THSD4: variants seen among roughly 807,000 people sequenced by gnomAD.
THSD4 encodes the protein thrombospondin type-1 domain-containing protein 4.
In THSD4, 69 loss-of-function variants were observed where a neutral mutation model predicts 119.0. That is an observed-to-expected ratio of 0.58 (90% confidence interval 0.48 to 0.71). The LOEUF (loss-of-function observed/expected upper bound fraction) is 0.71. Ranked by LOEUF, THSD4 falls within the 30% of genes least tolerant of loss-of-function variation. THSD4 has a pLI of 0.00. For synonymous variants in THSD4, 524 were observed against 540.4 expected (o/e 0.97, Z 0.42); for missense variants, 1,393 against 1,391.1 (o/e 1.00, Z -0.02).
At chr15:71,099,732 A>AG (rs1419156312) in intron 1 of THSD4, among the ~76,000 whole-genome samples, 4 of 152,104 alleles carry the variant, frequency 2.6e-5, no homozygotes, top group African/African-American at 7.2e-5. Flanking sequence ...TGGGAGGCCA[A>AG]GGGGGGCAGA....
At chr15:71,341,073 GC>G (rs928772945) in intron 6 of THSD4, 1 of 976,522 alleles carries the variant, frequency 1.0e-6, no homozygotes, top group Non-Finnish European at 1.6e-6. Context: ...TTGTTGCCTT[GC>G]CTTTTCTTTT....
chr15:71,454,225 C>T (rs2047306019), intron 7 of THSD4, among the ~76,000 whole-genome samples: 1 of 152,116 alleles, frequency 6.6e-6, no homozygotes, highest in South Asian at 2.1e-4. Flanking sequence ...CCACTGCACT[C>T]CAGCCTAGGT....
intron 7 of THSD4, among the ~76,000 whole-genome samples, chr15:71,483,037 A>C (rs1378935468): frequency 6.6e-6 from 1 of 152,194 alleles, no homozygotes; most frequent in Non-Finnish European, 1.5e-5. Flanking sequence ...TTTTTTAAAG[A>C]CAAAAAAAAT....
chr15:71,756,237 CTG>C (rs1255960124), intron 14 of THSD4, among the ~76,000 whole-genome samples: 1 of 152,120 alleles, frequency 6.6e-6, no homozygotes, highest in Non-Finnish European at 1.5e-5. Context: ...AGAAAGTAAA[CTG>C]TGCTGGGAAC....
chr15:71,327,377 C>T (rs1202798827), intron 6 of THSD4, among the ~76,000 whole-genome samples: 1 of 152,164 alleles, frequency 6.6e-6, no homozygotes, highest in African/African-American at 2.4e-5. Flanking sequence ...TCTGGAACCT[C>T]CCTTGGGAAG....
chr15:71,628,451 T>G (rs1325523504), intron 7 of THSD4, among the ~76,000 whole-genome samples: 1 of 152,138 alleles, frequency 6.6e-6, no homozygotes, highest in Non-Finnish European at 1.5e-5. Flanking sequence ...GGCGCAGCAA[T>G]CAAGGAGCAG....
chr15:71,099,182 G>T (rs2040244031), intron 1 of THSD4, among the ~76,000 whole-genome samples: 1 of 152,158 alleles, frequency 6.6e-6, no homozygotes, highest in African/African-American at 2.4e-5. Context: ...CTGGTGGTCT[G>T]GGGAAGAGTT....
At chr15:71,617,731 C>T (rs1356248914) in intron 7 of THSD4, among the ~76,000 whole-genome samples, 1 of 152,174 alleles carries the variant, frequency 6.6e-6, no homozygotes, top group Admixed American at 6.5e-5. Flanking sequence ...GGAGGTGAAA[C>T]GATGGTCATA....
At chr15:71,211,654 A>G (rs963755390) in intron 3 of THSD4, among the ~76,000 whole-genome samples, 2 of 152,070 alleles carry the variant, frequency 1.3e-5, no homozygotes, top group African/African-American at 2.4e-5. Context: ...TCAGTCCACA[A>G]CACCTGTGAA....
Position 71,737,815 on chromosome 15 carries a change from G to T in THSD4, c.1714G>T (p.Asp572Tyr), listed in dbSNP as rs762809843. ...EQKGRNEEKE[D>Y]LRGEAPEMFT... ...GAAAGGGAGGAACGAGGAGAAGGAA[G>T]ACTTGCGTGGGGAGGCCCCTGAGAT... The change falls in exon 11 of 18, where the codon GAC becomes TAC. Residue 572 changes from aspartate to tyrosine, a missense_variant. Asp to Tyr is a radical substitution (Grantham distance 160, BLOSUM62 -3). Transcript: ENST00000261862. 7.4e-6 allele frequency: 12 copies of T among 1,614,140 alleles called. No individual in the cohort carries two copies. Among genetic ancestry groups the T allele is most frequent in the Non-Finnish European group, 1.0e-5 (12 of 1,180,050 alleles).
intron 3 of THSD4, among the ~76,000 whole-genome samples, chr15:71,157,205 T>C (rs1203718622): frequency 1.3e-5 from 2 of 152,196 alleles, no homozygotes; most frequent in African/African-American, 4.8e-5. Flanking sequence ...CTGAATGATA[T>C]GTGCGTAACC....
At chr15:71,521,670 G>A (rs1202245534) in intron 7 of THSD4, among the ~76,000 whole-genome samples, 1 of 152,144 alleles carries the variant, frequency 6.6e-6, no homozygotes, top group African/African-American at 2.4e-5. Context: ...CCTCATTTGT[G>A]TTCTAAAAGA....
intron 7 of THSD4, among the ~76,000 whole-genome samples, chr15:71,527,802 TC>T (rs1414005581): frequency 7.1e-6 from 1 of 141,342 alleles, no homozygotes; most frequent in Admixed American, 7.8e-5. Context: ...AGCTTTAGCC[TC>T]CCAGGTTCAA....
chr15:71,235,307 G>T (rs533261656), intron 4 of THSD4, among the ~76,000 whole-genome samples: 1 of 152,106 alleles, frequency 6.6e-6, no homozygotes, highest in Non-Finnish European at 1.5e-5. Flanking sequence ...GTTTAGCCTT[G>T]ATATATAGTA....
chr15:71,232,823 T>G (rs1229976230), intron 4 of THSD4, among the ~76,000 whole-genome samples: 1 of 152,146 alleles, frequency 6.6e-6, no homozygotes, highest in African/African-American at 2.4e-5. Flanking sequence ...ATGAGCCAGG[T>G]GGGTCTTTCA....
In THSD4 at chr15:71,758,013, A is replaced by G. The variant is rs753508686; in HGVS notation, c.2527A>G (p.Thr843Ala). Residue 843 changes from threonine (T) to alanine (A), a missense_variant, in exon 15 of 18, where the codon ACC (threonine) becomes GCC (alanine). Physicochemically the swap from Thr to Ala is moderately conservative, Grantham distance 58 (BLOSUM62 0). Transcript: ENST00000261862. ...GCGNNRPAEA[T>A]PCDNGPCTGK... is the part of the protein sequence containing the mutation. ...TGGGAACAACCGGCCGGCAGAGGCC[A>G]CCCCATGTGACAACGGACCCTGCAC... 1.2e-5 allele frequency: 20 copies of G among 1,613,062 alleles called. No individual in the cohort carries two copies. Among genetic ancestry groups the G allele is most frequent in the Non-Finnish European group, 1.7e-5 (20 of 1,179,616 alleles).
chr15:71,624,951 T>C (rs2050480967), intron 7 of THSD4, among the ~76,000 whole-genome samples: 1 of 152,168 alleles, frequency 6.6e-6, no homozygotes, highest in South Asian at 2.1e-4. Context: ...GATCCAGGCA[T>C]ACTTATTTTT....
chr15:71,429,859 G>T (rs1206619378), intron 7 of THSD4, among the ~76,000 whole-genome samples: 1 of 152,208 alleles, frequency 6.6e-6, no homozygotes, highest in African/African-American at 2.4e-5. Context: ...TTAAGAGATG[G>T]TATTGTAGAT....
intron 8 of THSD4, among the ~76,000 whole-genome samples, chr15:71,714,105 G>A (rs1296674856): frequency 7.9e-5 from 12 of 152,084 alleles, no homozygotes; most frequent in African/African-American, 2.9e-4. Flanking sequence ...ATTTTTAATT[G>A]CAAAAACCGT....
Sources: gnomAD v4.1 joint callset for allele counts (sites outside exome capture counted in the v4.1 genomes callset) on GRCh38, gnomAD v4.1.1 for gene constraint, MANE v1.5 for transcripts, NCBI Gene and HGNC (gene_info 2026-07-23, HGNC 2026-07-21) for gene names.